The following CD99L2 variants were observed in gnomAD, a reference collection of about 807,000 sequenced individuals.
CD99L2 encodes CD99 antigen-like protein 2.
In CD99L2, 24 loss-of-function variants were observed where a neutral mutation model predicts 27.3. The observed-to-expected ratio is 0.88, with a 90% CI of 0.64 to 1.24. The LOEUF is 1.24. CD99L2 is among the 50% of genes most tolerant of loss of function. The pLI is 0.00. For missense variants in CD99L2, 255 were observed against 221.6 expected, an observed-to-expected ratio of 1.15 and a Z score of -0.96; for synonymous variants, 97 against 87.9, an observed-to-expected ratio of 1.10 and a Z score of -0.58.
intron 1 of CD99L2, among the ~76,000 whole-genome samples, chrX:150,876,935 G>C (rs982556446): frequency 9.0e-6 from 1 of 111,107 alleles, no homozygotes; most frequent in Non-Finnish European, 1.9e-5. Flanking sequence ...GCTGGAAAAG[G>C]TAGTACAGAA....
At position 150,768,940 on chromosome X, in the gene CD99L2, G is replaced by A; in HGVS notation, c.*94C>T. 1.8e-6 allele frequency: 2 copies of A among 1,092,159 alleles called. No individual in the cohort carries two copies. The highest frequency in any genetic ancestry group is 2.4e-6 in the Non-Finnish European group (2 of 848,291). 90.0% of individuals were successfully genotyped at this position (1,092,159 alleles called of 1,213,427 possible). ...ACCAACAAGGAGCCGATGGCACAGA[G>A]CAGCACAGCAGCTGCGGGTCCAAAT... On this transcript the variant is annotated 3_prime_UTR_variant, in exon 11 of 11. Coordinates refer to ENST00000370377, the MANE Select transcript of CD99L2 (RefSeq NM_031462.4).
intron 1 of CD99L2, among the ~76,000 whole-genome samples, chrX:150,885,400 C>A (rs947846006): frequency 4.5e-5 from 5 of 111,658 alleles, no homozygotes; most frequent in East Asian, 2.8e-4. Context: ...ACAACAACAA[C>A]AAAAACTTTA....
intron 1 of CD99L2, among the ~76,000 whole-genome samples, chrX:150,869,031 T>A (rs67469779): frequency 0.053 from 5,955 of 112,187 alleles, 170 homozygotes; most frequent in African/African-American, 0.1. Context: ...TGAATGAGAC[T>A]TTCCTGGATA....
intron 2 of CD99L2, among the ~76,000 whole-genome samples, chrX:150,816,912 T>C (rs781894103): frequency 1.5e-3 from 163 of 108,490 alleles, no homozygotes; most frequent in African/African-American, 4.5e-3. Flanking sequence ...ATGGATGAAA[T>C]TGGAAACCAT....
chrX:150,867,557 A>G (rs1341918840), intron 1 of CD99L2, among the ~76,000 whole-genome samples: 2 of 111,108 alleles, frequency 1.8e-5, no homozygotes, highest in African/African-American at 6.5e-5. Context: ...TGAGGTCAGG[A>G]GTTCGAGACC....
intron 1 of CD99L2, among the ~76,000 whole-genome samples, chrX:150,869,387 T>A (rs2047119896): frequency 8.9e-6 from 1 of 112,396 alleles, no homozygotes; most frequent in Non-Finnish European, 1.9e-5. Context: ...AAATCCCTCT[T>A]GCATCCAGTC....
chrX:150,836,470 G>A (rs1470396650), intron 1 of CD99L2, among the ~76,000 whole-genome samples: 1 of 110,995 alleles, frequency 9.0e-6, no homozygotes, highest in East Asian at 2.8e-4. Context: ...TGGGATTACA[G>A]GCGTCTGCCA....
chrX:150,798,232 GGAAGGA>G (rs2045843213), intron 4 of CD99L2, among the ~76,000 whole-genome samples: 3 of 29,478 alleles, frequency 1.0e-4, no homozygotes, highest in African/African-American at 4.5e-4. Flanking sequence ...AAGGAAGGAA[GGAAGGA>G]AGGAAGGAAG....
intron 1 of CD99L2, among the ~76,000 whole-genome samples, chrX:150,870,768 C>G (rs1569566128): frequency 9.0e-6 from 1 of 111,004 alleles, no homozygotes; most frequent in South Asian, 3.9e-4. Flanking sequence ...TGCACCCCCC[C>G]ATCCTAGCAG....
intron 1 of CD99L2, among the ~76,000 whole-genome samples, chrX:150,874,068 G>A (rs2047194753): frequency 8.9e-6 from 1 of 112,652 alleles, no homozygotes; most frequent in African/African-American, 3.2e-5. Context: ...GACCTATGGA[G>A]TACCAGGTAC....
chrX:150,831,296 A>C lies in CD99L2; in HGVS notation c.68-3T>G. On this transcript the variant is annotated splice_region_variant and splice_polypyrimidine_tract_variant and intron_variant, in intron 1 of 10. Coordinates refer to ENST00000370377, the MANE Select transcript of CD99L2 (RefSeq NM_031462.4). ...AAAATCATCAAAGTCCCCAGATCCT[A>C]AAAATTAAAAAAAAAAATTAAACTA... 1 of 1,171,528 alleles carries C rather than the reference A, an allele frequency of 8.5e-7. No individual in the cohort carries two copies. Among genetic ancestry groups the C allele is most frequent in the Non-Finnish European group, 1.2e-6 (1 of 867,674 alleles).
At chrX:150,791,046 A>G (rs2045679443) in intron 7 of CD99L2, among the ~76,000 whole-genome samples, 1 of 111,142 alleles carries the variant, frequency 9.0e-6, no homozygotes, top group Non-Finnish European at 1.9e-5. Context: ...TCCACCAATC[A>G]GGGACACAAC....
In CD99L2 at chrX:150,876,862, C is replaced by A. The variant is rs919830756; in HGVS notation, c.67+21660G>T. Among the ~76,000 whole-genome samples, 10 of 112,174 alleles carry A rather than the reference C, an allele frequency of 8.9e-5. No individual in the cohort carries two copies. In the South Asian group the frequency reaches 2.9e-3, roughly 33 times the overall value. ...TCAGTCCTCAAAAGACAGATAATTTCTCTCCTGTTCCAATTTTCCAGAGCA... is the reference window on the plus strand; with the variant it reads ...TCAGTCCTCAAAAGACAGATAATTTATCTCCTGTTCCAATTTTCCAGAGCA... On this transcript the variant is annotated intron_variant, in intron 1 of 10. Coordinates refer to ENST00000370377, the MANE Select transcript of CD99L2 (RefSeq NM_031462.4).
At chrX:150,884,582 G>A (rs2047379572) in intron 1 of CD99L2, among the ~76,000 whole-genome samples, 2 of 112,162 alleles carry the variant, frequency 1.8e-5, no homozygotes, top group African/African-American at 6.5e-5. Context: ...GGGAGGCTGA[G>A]GGGGGAGGAT....
At chrX:150,775,571 G>A (rs145503521) in intron 9 of CD99L2, among the ~76,000 whole-genome samples, 4 of 112,633 alleles carry the variant, frequency 3.6e-5, no homozygotes, top group African/African-American at 1.3e-4. Context: ...GGTGGGTCGG[G>A]GGGGAACCAC....
At chrX:150,805,510 A>G (rs2045981409) in intron 4 of CD99L2, among the ~76,000 whole-genome samples, 1 of 111,462 alleles carries the variant, frequency 9.0e-6, no homozygotes. Context: ...TGTCTTAACA[A>G]ACTAAACCTA....
intron 4 of CD99L2, among the ~76,000 whole-genome samples, chrX:150,808,335 A>G (rs1557420295): frequency 8.9e-6 from 1 of 112,554 alleles, no homozygotes; most frequent in Non-Finnish European, 1.9e-5. Context: ...TTTCATAATC[A>G]TGCTTTTATG....
At chrX:150,890,903 G>C (rs148819193) in intron 1 of CD99L2, among the ~76,000 whole-genome samples, 3 of 113,285 alleles carry the variant, frequency 2.6e-5, no homozygotes, top group Non-Finnish European at 3.7e-5. Flanking sequence ...CAAAGCAGAA[G>C]TGCAGGCTCC....
chrX:150,783,075 T>A (rs969558699), intron 7 of CD99L2, among the ~76,000 whole-genome samples: 1 of 104,350 alleles, frequency 9.6e-6, no homozygotes, highest in Non-Finnish European at 1.9e-5. Context: ...CAGATGAACT[T>A]TGACACTGTG....
Sources: gnomAD v4.1 joint callset for allele counts (sites outside exome capture counted in the v4.1 genomes callset) on GRCh38, gnomAD v4.1.1 for gene constraint, MANE v1.5 for transcripts, NCBI Gene and HGNC (gene_info 2026-07-23, HGNC 2026-07-21) for gene names.